The following CUX2 variants were observed in gnomAD, a reference collection of about 807,000 sequenced individuals.
The protein encoded by CUX2 is cut like homeobox 2, also known as homeobox protein cut-like 2.
A neutral mutation model predicts 144.8 loss-of-function variants in CUX2; 40 were observed. The ratio of observed to expected loss-of-function variants is 0.28; its 90% CI spans 0.21 to 0.36. The LOEUF is 0.36. Among genes scored for constraint, CUX2 ranks in the 10% least tolerant of loss-of-function variants. CUX2 has a pLI of 1.00. For synonymous variants in CUX2, 827 were observed against 875.6 expected (o/e 0.94, Z 0.98); for missense variants, 1,615 against 1,994.0 (o/e 0.81, Z 3.62).
At chr12:111,230,238 G>A (rs1015762923) in intron 3 of CUX2, among the ~76,000 whole-genome samples, 6 of 151,764 alleles carry the variant, frequency 4.0e-5, no homozygotes, top group African/African-American at 9.7e-5. Flanking sequence ...AATGGGGAGA[G>A]GGAAGAGGTG....
chr12:111,342,098 G>A, intron 21 of CUX2, 45 bp downstream of exon 21: 1 of 1,566,302 alleles, frequency 6.4e-7, no homozygotes, highest in South Asian at 1.2e-5. Context: ...CAGAATCCAG[G>A]TGGGACCCCT....
chr12:111,271,895 A>T (rs1348053059), intron 4 of CUX2, among the ~76,000 whole-genome samples: 1 of 152,138 alleles, frequency 6.6e-6, no homozygotes, highest in Non-Finnish European at 1.5e-5. Flanking sequence ...TACATGTTTC[A>T]TATATTCTCC....
intron 3 of CUX2, among the ~76,000 whole-genome samples, chr12:111,253,804 G>GTT (rs35700210): frequency 0.052 from 7,740 of 148,288 alleles, 226 homozygotes; most frequent in South Asian, 0.14. Flanking sequence ...ATAAAATACT[G>GTT]TTTTTTTAGA....
chr12:111,318,992 G>A (rs961198861), intron 16 of CUX2, among the ~76,000 whole-genome samples: 1 of 152,080 alleles, frequency 6.6e-6, no homozygotes, highest in East Asian at 1.9e-4. Context: ...TCCATTCTCT[G>A]CATGGGCATT....
chr12:111,309,222 C>G (rs918092330), intron 14 of CUX2, among the ~76,000 whole-genome samples: 1 of 152,216 alleles, frequency 6.6e-6, no homozygotes. Flanking sequence ...GAACTTTTAG[C>G]CTTGTGGCCC....
rs1205831817 is a variant in CUX2 at position 111,320,770 on chromosome 12, G to A, written c.2761G>A (p.Glu921Lys). 6.4e-7 allele frequency: 1 copy of A among 1,559,588 alleles called. No individual in the cohort carries two copies. Among genetic ancestry groups the A allele is most frequent in the Non-Finnish European group, 8.6e-7 (1 of 1,158,564 alleles). The change falls in exon 17 of 22, where the codon GAG (glutamate) becomes AAG (lysine). Residue 921 changes from glutamate to lysine, a missense_variant. Glu to Lys is a moderately conservative substitution (Grantham distance 56). Coordinates refer to ENST00000261726, the MANE Select transcript of CUX2 (RefSeq NM_015267.4). This position sits in a 1 kb window ranked among gnomAD's most constrained non-coding sequence, Gnocchi z 8.1. ...KNGICQRIFG[E>K]KVLGLSQGSV... ...CGGCATCTGCCAGAGGATCTTCGGG[G>A]AGAAGGTGAGTGCAGGGCGGGCCCC... is the stretch of plus-strand genomic sequence containing the variant.
At chr12:111,194,659 G>A (rs1417816825) in intron 1 of CUX2, among the ~76,000 whole-genome samples, 2 of 152,202 alleles carry the variant, frequency 1.3e-5, no homozygotes, top group Admixed American at 1.3e-4. Context: ...GCATCACCTC[G>A]TGGGCCCCTG....
In CUX2 at chr12:111,338,489, G is replaced by C. The variant is rs759286888; in HGVS notation, c.3385+15G>C. ...GGAGAAGAAAGGTAAGACTTGGGCA[G>C]AGGATGGGCCCCAGCACTGGGTCTC... On this transcript the variant is annotated intron_variant, in intron 20 of 21. Coordinates refer to ENST00000261726, the MANE Select transcript of CUX2 (RefSeq NM_015267.4). The C allele has an allele frequency of 3.7e-6, 6 of 1,603,340 alleles. No homozygotes were observed. The East Asian group carries it at 1.1e-4, about 30-fold the overall frequency.
intron 1 of CUX2, among the ~76,000 whole-genome samples, chr12:111,202,067 TG>T (rs1271066953): frequency 6.6e-6 from 1 of 152,254 alleles, no homozygotes; most frequent in East Asian, 1.9e-4. Flanking sequence ...TCATTGCCAC[TG>T]TGGCCCCTAG....
At chr12:111,140,640 C>A (rs1020013871) in intron 1 of CUX2, among the ~76,000 whole-genome samples, 1 of 152,158 alleles carries the variant, frequency 6.6e-6, no homozygotes, top group Non-Finnish European at 1.5e-5. Flanking sequence ...AGCCCCTGCA[C>A]AGGCAGGCTG....
At chr12:111,170,971 G>A (rs1399669003) in intron 1 of CUX2, among the ~76,000 whole-genome samples, 1 of 152,118 alleles carries the variant, frequency 6.6e-6, no homozygotes, top group African/African-American at 2.4e-5. Context: ...CGGCAATTCT[G>A]GTCAAGGTGC....
chr12:111,204,264 G>A (rs1040397152), intron 1 of CUX2, among the ~76,000 whole-genome samples: 5 of 152,232 alleles, frequency 3.3e-5, no homozygotes, highest in African/African-American at 1.2e-4. Context: ...ACCAACCACT[G>A]CCTGGGCTTT....
chr12:111,109,639 T>G (rs547265447), intron 1 of CUX2, among the ~76,000 whole-genome samples: 1 of 152,274 alleles, frequency 6.6e-6, no homozygotes, highest in East Asian at 1.9e-4. Context: ...GAGACCACAG[T>G]CTGGGTGCTG....
At position 111,287,209 on chromosome 12, in the gene CUX2, G is replaced by A. The variant is rs1423463964; in HGVS notation, c.302-4209G>A. On this transcript the variant is annotated intron_variant, in intron 4 of 21. Coordinates refer to ENST00000261726, the MANE Select transcript of CUX2 (RefSeq NM_015267.4). The surrounding 1 kb of genome is among the most constrained non-coding windows in gnomAD (Gnocchi z 4.2). ...TGTCAATACCTAATCCCTGCGAACA[G>A]GGTGAGTGACAGACATCCTTTATCA... Among the ~76,000 whole-genome samples, 6 of 152,256 alleles carry A rather than the reference G, an allele frequency of 3.9e-5. No individual in the cohort carries two copies. Among genetic ancestry groups the A allele is most frequent in the Admixed American group, 1.3e-4 (2 of 15,292 alleles).
intron 1 of CUX2, among the ~76,000 whole-genome samples, chr12:111,118,710 A>G (rs1874444714): frequency 6.6e-6 from 1 of 152,188 alleles, no homozygotes; most frequent in African/African-American, 2.4e-5. Context: ...AACATGCTAG[A>G]CTGATATTCC....
intron 1 of CUX2, among the ~76,000 whole-genome samples, chr12:111,078,771 A>G (rs1165782222): frequency 6.6e-6 from 1 of 152,126 alleles, no homozygotes; most frequent in Non-Finnish European, 1.5e-5. Flanking sequence ...GAGTTTGGTG[A>G]TGGAAAAGGT....
intron 1 of CUX2, among the ~76,000 whole-genome samples, chr12:111,098,141 C>T (rs1872945082): frequency 1.3e-5 from 2 of 152,224 alleles, no homozygotes; most frequent in Middle Eastern, 3.4e-3. Flanking sequence ...GGCTTTACGC[C>T]TGTAATACCA....
At chr12:111,076,112 C>A (rs1318773204) in intron 1 of CUX2, among the ~76,000 whole-genome samples, 2 of 152,208 alleles carry the variant, frequency 1.3e-5, no homozygotes, top group Non-Finnish European at 2.9e-5. Context: ...CTTAACCACA[C>A]ATCATGTGGA....
chr12:111,046,399 G>A (rs1176372332), intron 1 of CUX2, among the ~76,000 whole-genome samples: 1 of 152,196 alleles, frequency 6.6e-6, no homozygotes, highest in Non-Finnish European at 1.5e-5. Context: ...GCAACTTTAT[G>A]AAGGGAAAAC....
Sources: allele counts gnomAD v4.1 joint callset (sites outside exome capture counted in the v4.1 genomes callset), GRCh38; gene constraint gnomAD v4.1.1; non-coding constraint Gnocchi (gnomAD v3.1); transcripts MANE v1.5; gene names NCBI Gene and HGNC (gene_info 2026-07-23, HGNC 2026-07-21).